ABCC5: variants seen among roughly 807,000 people sequenced by gnomAD.
ABCC5 encodes ATP-binding cassette sub-family C member 5.
Under a neutral mutation model 160.9 loss-of-function variants are expected in ABCC5, and 61 were observed. That is an observed-to-expected ratio of 0.38 (90% CI 0.31 to 0.47). The LOEUF is 0.47. ABCC5 is among the 20% of genes least tolerant of loss of function. ABCC5 has a pLI of 0.99. For missense variants in ABCC5, 1,308 were observed against 1,813.3 expected (o/e 0.72, Z 5.06); for synonymous variants, 666 against 700.6 (o/e 0.95, Z 0.78).
intron 17 of ABCC5, among the ~76,000 whole-genome samples, chr3:183,957,850 G>T (rs1385677952): frequency 1.4e-5 from 2 of 138,068 alleles, no homozygotes; most frequent in Non-Finnish European, 3.2e-5. Flanking sequence ...GCGGATCCGT[G>T]TGTATATCAC....
chr3:183,965,260 G>A lies in ABCC5; in HGVS notation c.1959-3C>T, dbSNP rs1163080630. Reference sequence around the variant, plus strand: ...AGCTGTTCAGCACAGAGTTGTATCTGGAGGACACAAAGAGACAGCGTCAGG... The same window carrying A: ...AGCTGTTCAGCACAGAGTTGTATCTAGAGGACACAAAGAGACAGCGTCAGG... On this transcript the variant is annotated splice_polypyrimidine_tract_variant and splice_region_variant and intron_variant, in intron 13 of 29. Coordinates refer to ENST00000334444, the MANE Select transcript of ABCC5 (RefSeq NM_005688.4). 2 of 1,614,218 alleles carry A rather than the reference G, an allele frequency of 1.2e-6. No homozygotes were observed. The highest frequency in any genetic ancestry group is 1.1e-5 in the South Asian group (1 of 91,086).
intron 2 of ABCC5, among the ~76,000 whole-genome samples, chr3:183,991,685 G>A (rs1254805093): frequency 6.6e-6 from 1 of 152,318 alleles, no homozygotes; most frequent in Non-Finnish European, 1.5e-5. Context: ...AACATGACAG[G>A]AGTCAACAAC....
At chr3:183,926,336 G>A (rs145991498) in intron 28 of ABCC5, among the ~76,000 whole-genome samples, 81 of 151,556 alleles carry the variant, frequency 5.3e-4, no homozygotes, top group African/African-American at 1.5e-3. Flanking sequence ...CGGATCACGA[G>A]GTCAAGAGAT....
In ABCC5 at chr3:183,921,638, A is replaced by G. The variant is rs1711987569; in HGVS notation, c.4213-237T>C. 6.6e-6 allele frequency among the ~76,000 whole-genome samples: 1 copy of G among 151,436 alleles called. No homozygotes were observed. Among genetic ancestry groups the G allele is most frequent in the Non-Finnish European group, 1.5e-5 (1 of 67,870 alleles). The stretch of plus-strand genomic sequence containing the variant: ...AGTATGTGGTTTTGCCTAATAAAGT[A>G]GTATCATAGCAAAAAAAAAAAAAGA... On this transcript the variant is annotated intron_variant, in intron 29 of 29. Coordinates refer to ENST00000334444, the MANE Select transcript of ABCC5 (RefSeq NM_005688.4). The surrounding 1 kb of genome is among the most constrained non-coding windows in gnomAD (Gnocchi z 4.1).
At chr3:183,961,155 A>C (rs964603920) in intron 16 of ABCC5, among the ~76,000 whole-genome samples, 8 of 152,176 alleles carry the variant, frequency 5.3e-5, no homozygotes, top group Non-Finnish European at 1.0e-4. Flanking sequence ...TTGTTTATTT[A>C]AAAAAGAGCT....
chr3:183,984,447 G>A (rs1719020733), intron 5 of ABCC5: 2 of 1,018,152 alleles, frequency 2.0e-6, no homozygotes, highest in Admixed American at 1.1e-4. Context: ...AAAAATGGAG[G>A]CCAGACACCA....
chr3:183,989,422 A>C, intron 2 of ABCC5, 39 bp from the exon 3 acceptor site: 2 of 1,608,160 alleles, frequency 1.2e-6, no homozygotes, highest in Non-Finnish European at 1.7e-6. Flanking sequence ...GAGCACAGTT[A>C]ATACACAGGC....
At chr3:183,992,776 G>A (rs562826791) in intron 2 of ABCC5, among the ~76,000 whole-genome samples, 3 of 151,674 alleles carry the variant, frequency 2.0e-5, no homozygotes, top group South Asian at 4.2e-4. Flanking sequence ...GCGAAAGAGC[G>A]AGACTCCGTC....
Position 183,982,360 on chromosome 3 carries a change from G to A in ABCC5, c.999+91C>T, listed in dbSNP as rs1433025131. ...TTTGAGGAAATTTCCAATCAGAGCT[G>A]TGAGACCTCAGCAATGCCTACTATA... is the stretch of plus-strand genomic sequence containing the variant. On this transcript the variant is annotated intron_variant, in intron 7 of 29. Transcript: ENST00000334444. This position sits in a 1 kb window ranked among gnomAD's most constrained non-coding sequence, Gnocchi z 5.2. 11 of 1,396,886 alleles carry A rather than the reference G, an allele frequency of 7.9e-6. No homozygotes were observed. The highest frequency in any genetic ancestry group is 1.1e-5 in the Non-Finnish European group (11 of 1,029,920). 86.5% of individuals were successfully genotyped at this position (1,396,886 alleles called of 1,614,324 possible).
At chr3:183,942,122 C>A (rs1714417908) in intron 25 of ABCC5, among the ~76,000 whole-genome samples, 2 of 151,940 alleles carry the variant, frequency 1.3e-5, no homozygotes, top group Non-Finnish European at 1.5e-5. Context: ...TCACTGCAAC[C>A]TCCGCCTCCC....
Position 183,989,239 on chromosome 3 carries a change from G to T in ABCC5, c.274C>A (p.Arg92=). ...HHGLSALKPI[R]TTSKHQHPVD... ...ACGGCATCTTACTTGGAAGTAGTCC[G>T]GATGGGCTTCAGAGCACTCAAGCCA... The change falls in exon 3 of 30, where the codon CGG becomes AGG. Residue 92 remains arginine (R), a synonymous_variant. Transcript: ENST00000334444. 6.2e-7 allele frequency: 1 copy of T among 1,611,712 alleles called. No individual in the cohort carries two copies. The highest frequency in any genetic ancestry group is 8.5e-7 in the Non-Finnish European group (1 of 1,179,048).
chr3:183,989,827 TAG>T (rs1719585528), intron 2 of ABCC5, among the ~76,000 whole-genome samples: 2 of 152,212 alleles, frequency 1.3e-5, no homozygotes, highest in South Asian at 4.1e-4. Flanking sequence ...TTTTTTGAGA[TAG>T]AGTCTCCCTC....
rs144412198 is a variant in ABCC5 at position 183,977,779 on chromosome 3, G to A, written c.1297-155C>T. On this transcript the variant is annotated intron_variant, in intron 9 of 29. Coordinates refer to ENST00000334444, the MANE Select transcript of ABCC5 (RefSeq NM_005688.4). Reference sequence around the variant, plus strand: ...TACATTTTTTTTTTTTTGAGACGGAGTCTCGCTCTGTCGCCCAGGCTGGAG... The same window carrying A: ...TACATTTTTTTTTTTTTGAGACGGAATCTCGCTCTGTCGCCCAGGCTGGAG... Among the ~76,000 whole-genome samples the A allele has an allele frequency of 5.9e-3, 904 of 151,974 alleles. 9 individuals carry two copies. The highest frequency in any genetic ancestry group is 0.021 in the African/African-American group (865 of 41,438).
chr3:183,951,583 GCA>G lies in ABCC5; in HGVS notation c.2815-15_2815-14del. ...CTCGCAGCGTGCCCTGAGGAGCAGA[GCA>G]CAGAGTGGTCAGGGCCCAGGGACGG... On this transcript the variant is annotated splice_polypyrimidine_tract_variant and intron_variant, in intron 19 of 29. Coordinates refer to ENST00000334444, the MANE Select transcript of ABCC5 (RefSeq NM_005688.4). This position sits in a 1 kb window ranked among gnomAD's most constrained non-coding sequence, Gnocchi z 4.7. 2 of 1,613,586 alleles carry G rather than the reference GCA, an allele frequency of 1.2e-6. No individual in the cohort carries two copies. The highest frequency in any genetic ancestry group is 1.7e-6 in the Non-Finnish European group (2 of 1,179,814).
intron 12 of ABCC5, among the ~76,000 whole-genome samples, chr3:183,965,872 G>A (rs1717174025): frequency 6.6e-6 from 1 of 152,082 alleles, no homozygotes; most frequent in African/African-American, 2.4e-5. Flanking sequence ...ATGGGGGCAG[G>A]CCAACTCATC....
chr3:183,989,208 C>T lies in ABCC5; in HGVS notation c.287+18G>A, dbSNP rs192487312. The T allele has an allele frequency of 8.6e-5, 113 of 1,318,778 alleles. No individual in the cohort carries two copies. The highest frequency in any genetic ancestry group is 4.3e-6 in the Non-Finnish European group (4 of 932,824). 81.7% of individuals were successfully genotyped at this position (1,318,778 alleles called of 1,614,324 possible). A position where few individuals can be genotyped will look rare whatever the true frequency, so the allele number is the denominator to read the frequency against. The stretch of plus-strand genomic sequence containing the variant: ...GGCCTTTGATGCTTCACTGTCATCA[C>T]TCAGCACGGCATCTTACTTGGAAGT... On this transcript the variant is annotated intron_variant, in intron 3 of 29. Coordinates refer to ENST00000334444, the MANE Select transcript of ABCC5 (RefSeq NM_005688.4).
intron 1 of ABCC5, 77 bp from the exon 2 acceptor site, chr3:184,014,524 AG>A (rs1157634138): frequency 9.2e-6 from 7 of 764,846 alleles, no homozygotes; most frequent in African/African-American, 5.8e-5. Context: ...CCTTAAAAAT[AG>A]GAAAAAAAAA....
chr3:183,991,270 C>G (rs766785359), intron 2 of ABCC5, among the ~76,000 whole-genome samples: 1 of 151,448 alleles, frequency 6.6e-6, no homozygotes, highest in East Asian at 1.9e-4. Flanking sequence ...GCACTCCAGC[C>G]TGGGTGACAG....
At chr3:184,001,210 G>A in intron 2 of ABCC5, 1 of 530,398 alleles carries the variant, frequency 1.9e-6, no homozygotes, top group Non-Finnish European at 3.4e-6. Flanking sequence ...CCATGGTCAT[G>A]CCACCGCACT....
Sources: gnomAD v4.1 joint callset for allele counts (sites outside exome capture counted in the v4.1 genomes callset) on GRCh38, gnomAD v4.1.1 for gene constraint, Gnocchi (gnomAD v3.1) non-coding constraint, MANE v1.5 for transcripts, NCBI Gene and HGNC (gene_info 2026-07-23, HGNC 2026-07-21) for gene names.